Variants in ENTHD1 observed in about 807,000 individuals in gnomAD.
The protein encoded by ENTHD1 is ENTH domain containing 1.
A neutral mutation model predicts 39.1 loss-of-function variants in ENTHD1; 23 were observed. The ratio of observed to expected loss-of-function variants is 0.59; its 90% CI spans 0.42 to 0.83. The LOEUF (loss-of-function observed/expected upper bound fraction) is 0.83. ENTHD1 is among the 40% of genes least tolerant of loss of function. ENTHD1 has a pLI of 0.00. For missense variants in ENTHD1, 624 were observed against 705.4 expected, an observed-to-expected ratio of 0.88 and a Z score of 1.31; for synonymous variants, 230 against 258.2, an observed-to-expected ratio of 0.89 and a Z score of 1.05.
intron 6 of ENTHD1, among the ~76,000 whole-genome samples, chr22:39,745,310 A>G (rs2065094829): frequency 6.6e-6 from 1 of 152,234 alleles, no homozygotes; most frequent in Non-Finnish European, 1.5e-5. Flanking sequence ...TACTTAAAAA[A>G]AAATTCCATT....
At chr22:39,891,301 C>G (rs1294971065) in intron 1 of ENTHD1, among the ~76,000 whole-genome samples, 1 of 152,168 alleles carries the variant, frequency 6.6e-6, no homozygotes. Flanking sequence ...AAACTGGAAG[C>G]TCCTTGGGGG....
At chr22:39,796,036 G>A (rs573280790) in intron 5 of ENTHD1, among the ~76,000 whole-genome samples, 13 of 151,672 alleles carry the variant, frequency 8.6e-5, no homozygotes, top group African/African-American at 1.7e-4. Flanking sequence ...TTTTGTTGAC[G>A]TTCTGTATTT....
intron 5 of ENTHD1, among the ~76,000 whole-genome samples, chr22:39,792,930 T>G (rs2065516403): frequency 6.6e-6 from 1 of 152,174 alleles, no homozygotes; most frequent in Non-Finnish European, 1.5e-5. Flanking sequence ...ATGATTTTCT[T>G]GCTTTTGGAT....
At chr22:39,864,060 T>C (rs950806016) in intron 2 of ENTHD1, among the ~76,000 whole-genome samples, 1 of 152,256 alleles carries the variant, frequency 6.6e-6, no homozygotes, top group African/African-American at 2.4e-5. Context: ...CACAATGTTT[T>C]GGGTAACCAT....
intron 5 of ENTHD1, among the ~76,000 whole-genome samples, chr22:39,799,857 C>A (rs1460008048): frequency 6.6e-6 from 1 of 152,232 alleles, no homozygotes; most frequent in Non-Finnish European, 1.5e-5. Flanking sequence ...CCAACAGTGG[C>A]ACACTGCTGC....
intron 4 of ENTHD1, among the ~76,000 whole-genome samples, chr22:39,821,674 G>A (rs1020985892): frequency 1.3e-5 from 2 of 152,106 alleles, no homozygotes; most frequent in African/African-American, 4.8e-5. Flanking sequence ...CTCTGCCTTA[G>A]TCCATTCCGG....
At chr22:39,796,235 CT>C (rs1176126868) in intron 5 of ENTHD1, among the ~76,000 whole-genome samples, 1 of 151,976 alleles carries the variant, frequency 6.6e-6, no homozygotes, top group Non-Finnish European at 1.5e-5. Context: ...CTGTGTCCCA[CT>C]AATTTTGGTA....
At chr22:39,752,243 C>CTGAT in intron 6 of ENTHD1, among the ~76,000 whole-genome samples, 1 of 152,190 alleles carries the variant, frequency 6.6e-6, no homozygotes, top group Non-Finnish European at 1.5e-5. Flanking sequence ...CAATGAAGTA[C>CTGAT]TGATATATGT....
chr22:39,798,893 C>T (rs987407072), intron 5 of ENTHD1, among the ~76,000 whole-genome samples: 1 of 152,096 alleles, frequency 6.6e-6, no homozygotes, highest in Non-Finnish European at 1.5e-5. Context: ...GCAGTCCACT[C>T]CCAAGGACTC....
intron 5 of ENTHD1, among the ~76,000 whole-genome samples, chr22:39,803,141 G>A (rs777855060): frequency 3.3e-5 from 5 of 151,914 alleles, no homozygotes; most frequent in East Asian, 3.9e-4. Context: ...CAAGACTTCC[G>A]CTGCCCACAT....
At chr22:39,811,158 C>G (rs1364681074) in intron 5 of ENTHD1, among the ~76,000 whole-genome samples, 1 of 152,214 alleles carries the variant, frequency 6.6e-6, no homozygotes, top group Non-Finnish European at 1.5e-5. Context: ...AGGATATCCC[C>G]TCTAAAGTCA....
intron 4 of ENTHD1, among the ~76,000 whole-genome samples, chr22:39,832,725 A>G (rs1384456863): frequency 3.3e-5 from 5 of 152,198 alleles, no homozygotes. Context: ...TAAAGGAACG[A>G]CATCAAAATG....
At chr22:39,862,138 C>G in intron 2 of ENTHD1, 131 bp from the exon 3 acceptor site, 1 of 567,532 alleles carries the variant, frequency 1.8e-6, no homozygotes, top group Non-Finnish European at 2.8e-6. Context: ...TAAAGAACTA[C>G]TGATAAGTAT....
intron 5 of ENTHD1, among the ~76,000 whole-genome samples, chr22:39,804,606 A>C (rs1266692598): frequency 1.3e-5 from 2 of 152,204 alleles, no homozygotes; most frequent in East Asian, 3.8e-4. Flanking sequence ...ACAAAAATTA[A>C]TTCAAAGTCT....
chr22:39,779,181 G>A (rs1010332840), intron 5 of ENTHD1, among the ~76,000 whole-genome samples: 1 of 152,074 alleles, frequency 6.6e-6, no homozygotes, highest in African/African-American at 2.4e-5. Context: ...GCCGGGCATG[G>A]TGGTGAGTGC....
intron 5 of ENTHD1, among the ~76,000 whole-genome samples, chr22:39,773,280 C>T (rs2065341966): frequency 6.6e-6 from 1 of 152,104 alleles, no homozygotes; most frequent in Non-Finnish European, 1.5e-5. Context: ...CATCAACCAC[C>T]TTGACCTAAC....
At chr22:39,801,499 C>G (rs2065598106) in intron 5 of ENTHD1, among the ~76,000 whole-genome samples, 1 of 152,188 alleles carries the variant, frequency 6.6e-6, no homozygotes, top group Non-Finnish European at 1.5e-5. Context: ...CAAAGAGATA[C>G]TACAAAATAT....
intron 3 of ENTHD1, among the ~76,000 whole-genome samples, chr22:39,857,293 T>A (rs1307194203): frequency 2.0e-5 from 3 of 151,560 alleles, no homozygotes; most frequent in Non-Finnish European, 4.4e-5. Flanking sequence ...AAATACAAAA[T>A]TAGCCAGGCG....
At chr22:39,823,788 T>C (rs192523372) in intron 4 of ENTHD1, among the ~76,000 whole-genome samples, 3 of 152,334 alleles carry the variant, frequency 2.0e-5, no homozygotes, top group East Asian at 3.9e-4. Flanking sequence ...CAGTAATATA[T>C]TCGTGTTTTA....
Sources: allele counts gnomAD v4.1 joint callset (sites outside exome capture counted in the v4.1 genomes callset), GRCh38; gene constraint gnomAD v4.1.1; transcripts MANE v1.5; gene names NCBI Gene and HGNC (gene_info 2026-07-23, HGNC 2026-07-21).